Variants in CALCRL observed in about 807,000 individuals in gnomAD.
CALCRL encodes calcitonin receptor like receptor, also known as calcitonin gene-related peptide type 1 receptor.
In CALCRL, 27 loss-of-function variants were observed where a neutral mutation model predicts 60.4. The ratio of observed to expected loss-of-function variants is 0.45; its 90% confidence interval spans 0.33 to 0.62. CALCRL has a LOEUF of 0.62. Ranked by LOEUF, CALCRL falls within the 20% of genes least tolerant of loss-of-function variation. The pLI is 0.03. For missense variants in CALCRL, 424 were observed against 540.7 expected (o/e 0.78, Z 2.14); for synonymous variants, 190 against 182.6 (o/e 1.04, Z -0.33).
chr2:187,368,364 T>C (rs1687384635), intron 8 of CALCRL, among the ~76,000 whole-genome samples: 1 of 152,088 alleles, frequency 6.6e-6, no homozygotes. Flanking sequence ...TTAAAATAAG[T>C]ATGTTTTAAG....
At chr2:187,363,042 C>G (rs938950362) in intron 9 of CALCRL, among the ~76,000 whole-genome samples, 1 of 151,944 alleles carries the variant, frequency 6.6e-6, no homozygotes, top group African/African-American at 2.4e-5. Flanking sequence ...CAAGAGGACT[C>G]TACAGCTATA....
At chr2:187,361,273 G>T (rs1288549956) in intron 9 of CALCRL, among the ~76,000 whole-genome samples, 1 of 151,868 alleles carries the variant, frequency 6.6e-6, no homozygotes, top group Non-Finnish European at 1.5e-5. Flanking sequence ...GAGTCTGAGG[G>T]CTTTGTGTAA....
chr2:187,347,830 T>C (rs1431299510), intron 14 of CALCRL, among the ~76,000 whole-genome samples: 2 of 151,734 alleles, frequency 1.3e-5, no homozygotes, highest in Admixed American at 6.6e-5. Flanking sequence ...GGAGCAAATA[T>C]AAAGCCAACA....
intron 1 of CALCRL, among the ~76,000 whole-genome samples, chr2:187,416,006 G>T (rs1689587693): frequency 6.6e-6 from 1 of 152,062 alleles, no homozygotes; most frequent in South Asian, 2.1e-4. Context: ...TAGGGAGCCT[G>T]ACCTCGTCAT....
intron 1 of CALCRL, among the ~76,000 whole-genome samples, chr2:187,436,845 T>C (rs1690665338): frequency 6.6e-6 from 1 of 152,214 alleles, no homozygotes; most frequent in South Asian, 2.1e-4. Flanking sequence ...CCTCTCCTTT[T>C]ATCTTCTCTT....
At chr2:187,398,246 A>C (rs1048690137) in intron 1 of CALCRL, among the ~76,000 whole-genome samples, 6 of 151,670 alleles carry the variant, frequency 4.0e-5, no homozygotes, top group African/African-American at 1.4e-4. Context: ...TTGGAATGAG[A>C]GCCTTATACT....
chr2:187,354,977 T>C (rs1446578685), intron 12 of CALCRL, among the ~76,000 whole-genome samples: 1 of 152,004 alleles, frequency 6.6e-6, no homozygotes, highest in Non-Finnish European at 1.5e-5. Context: ...AACGATATAT[T>C]ATAATTTCTT....
At chr2:187,414,880 T>TA (rs1689531341) in intron 1 of CALCRL, among the ~76,000 whole-genome samples, 1 of 3,314 alleles carries the variant, frequency 3.0e-4, no homozygotes, top group Non-Finnish European at 6.8e-4. Context: ...AAAATTATTT[T>TA]TTTTTTTTTA....
chr2:187,411,159 G>A (rs1014412444), intron 1 of CALCRL, among the ~76,000 whole-genome samples: 2 of 152,050 alleles, frequency 1.3e-5, no homozygotes, highest in Admixed American at 6.5e-5. Context: ...TAGAAATACT[G>A]AAAGAAATGT....
intron 8 of CALCRL, among the ~76,000 whole-genome samples, chr2:187,376,036 T>C (rs1470828216): frequency 1.3e-5 from 2 of 152,170 alleles, no homozygotes; most frequent in African/African-American, 4.8e-5. Flanking sequence ...ATGGAGATTA[T>C]ATATTTTGAT....
At chr2:187,419,732 T>G (rs865872373) in intron 1 of CALCRL, among the ~76,000 whole-genome samples, 2 of 152,216 alleles carry the variant, frequency 1.3e-5, no homozygotes, top group African/African-American at 2.4e-5. Context: ...GAGCAACTTA[T>G]GTTAACTGAA....
intron 1 of CALCRL, among the ~76,000 whole-genome samples, chr2:187,413,057 A>G (rs1335593566): frequency 1.3e-5 from 2 of 152,216 alleles, no homozygotes; most frequent in South Asian, 2.1e-4. Flanking sequence ...TTATTGGTAT[A>G]TAAGGATTTA....
intron 1 of CALCRL, among the ~76,000 whole-genome samples, chr2:187,433,873 A>C (rs1197629389): frequency 6.6e-6 from 1 of 152,056 alleles, no homozygotes; most frequent in Non-Finnish European, 1.5e-5. Flanking sequence ...AAAATGAGGA[A>C]TTATGTGAAA....
At chr2:187,394,723 C>T (rs1194279678) in intron 1 of CALCRL, among the ~76,000 whole-genome samples, 2 of 151,892 alleles carry the variant, frequency 1.3e-5, no homozygotes, top group African/African-American at 4.8e-5. Context: ...AAAACTTGAT[C>T]GTTAATTGAG....
At chr2:187,412,188 T>C (rs746615103) in intron 1 of CALCRL, among the ~76,000 whole-genome samples, 1 of 152,132 alleles carries the variant, frequency 6.6e-6, no homozygotes, top group Non-Finnish European at 1.5e-5. Context: ...CGTGAGATAC[T>C]GCTCTAAATC....
At position 187,380,415 on chromosome 2, in the gene CALCRL, G is replaced by A. The variant is rs761254882; in HGVS notation, c.408+52C>T. On this transcript the variant is annotated intron_variant, in intron 7 of 14. Transcript: ENST00000392370. ...CTTTAATACAGTATTGGACAAAGGA[G>A]CTGTTTAAACAGATACTGTAAGTTA... 31 of 975,670 alleles carry A rather than the reference G, an allele frequency of 3.2e-5. No homozygotes were observed. In the Middle Eastern group the frequency reaches 6.8e-4, roughly 21 times the overall value. 60.4% of individuals were successfully genotyped at this position (975,670 alleles called of 1,614,324 possible).
At chr2:187,364,138 C>T (rs888791638) in intron 8 of CALCRL, among the ~76,000 whole-genome samples, 1 of 151,786 alleles carries the variant, frequency 6.6e-6, no homozygotes, top group African/African-American at 2.4e-5. Flanking sequence ...TACTAGAGTT[C>T]CTCTTGTATA....
intron 1 of CALCRL, among the ~76,000 whole-genome samples, chr2:187,420,401 G>A (rs1047890841): frequency 3.3e-5 from 5 of 151,772 alleles, no homozygotes; most frequent in Non-Finnish European, 7.4e-5. Context: ...AAAGCTCATC[G>A]AAGGTATAAC....
At chr2:187,366,576 C>T (rs1398207547) in intron 8 of CALCRL, among the ~76,000 whole-genome samples, 1 of 151,196 alleles carries the variant, frequency 6.6e-6, no homozygotes, top group Non-Finnish European at 1.5e-5. Context: ...AAATAAATAA[C>T]GTGATAGAAG....
Sources: gnomAD v4.1 joint callset for allele counts (sites outside exome capture counted in the v4.1 genomes callset) on GRCh38, gnomAD v4.1.1 for gene constraint, MANE v1.5 for transcripts, NCBI Gene and HGNC (gene_info 2026-07-23, HGNC 2026-07-21) for gene names.